ZMAT4: variants seen among roughly 807,000 people sequenced by gnomAD.
The protein encoded by ZMAT4 is zinc finger matrin-type 4.
Under a neutral mutation model 28.7 loss-of-function variants are expected in ZMAT4, and 17 were observed. The observed-to-expected ratio is 0.59, with a 90% CI of 0.41 to 0.89. The LOEUF (loss-of-function observed/expected upper bound fraction) is 0.89. ZMAT4 is among the 40% of genes least tolerant of loss of function. The pLI is 0.00. For missense variants in ZMAT4, 240 were observed against 283.8 expected (o/e 0.85, Z 1.11); for synonymous variants, 117 against 109.2 (o/e 1.07, Z -0.44).
At chr8:40,775,716 T>C (rs938068521) in intron 2 of ZMAT4, among the ~76,000 whole-genome samples, 3 of 152,100 alleles carry the variant, frequency 2.0e-5, no homozygotes, top group Non-Finnish European at 4.4e-5. Context: ...TGCCATGCCT[T>C]AGCTTTTAAT....
intron 5 of ZMAT4, among the ~76,000 whole-genome samples, chr8:40,650,677 A>G (rs1474296107): frequency 7.8e-6 from 1 of 128,784 alleles, no homozygotes; most frequent in African/African-American, 2.8e-5. Flanking sequence ...AAAATCCTCA[A>G]TAAAATACTG....
intron 6 of ZMAT4, among the ~76,000 whole-genome samples, chr8:40,541,137 T>C (rs1205553719): frequency 2.0e-5 from 3 of 152,352 alleles, no homozygotes; most frequent in South Asian, 2.1e-4. Flanking sequence ...CTGGTACATA[T>C]GGAGCAACAA....
At chr8:40,595,696 G>A (rs1357412334) in intron 5 of ZMAT4, among the ~76,000 whole-genome samples, 1 of 152,138 alleles carries the variant, frequency 6.6e-6, no homozygotes, top group Non-Finnish European at 1.5e-5. Flanking sequence ...CACTTGTATA[G>A]GGCACTTCTC....
At chr8:40,759,111 G>A (rs901420578) in intron 3 of ZMAT4, among the ~76,000 whole-genome samples, 10 of 151,790 alleles carry the variant, frequency 6.6e-5, no homozygotes, top group Non-Finnish European at 1.3e-4. Context: ...ATCAAACCCC[G>A]TCTCTACTAA....
At chr8:40,734,603 T>C (rs1167376874) in intron 3 of ZMAT4, among the ~76,000 whole-genome samples, 1 of 152,116 alleles carries the variant, frequency 6.6e-6, no homozygotes, top group Non-Finnish European at 1.5e-5. Context: ...ACTCTGGTAA[T>C]CACCCGTCTC....
rs185046901 is a variant in ZMAT4, at chr8:40,788,351, G to A, written c.103-20621C>T. Among the ~76,000 whole-genome samples the A allele has an allele frequency of 2.9e-3, 448 of 152,286 alleles. 2 individuals are homozygous for A. The highest frequency in any genetic ancestry group is 0.01 in the African/African-American group (421 of 41,546). Reference sequence around the variant, plus strand: ...TGTAATCCCAGCATTTTGGGAGGCCGGGGCAGGCGGATCACGAGGTCAGGA... The same window carrying A: ...TGTAATCCCAGCATTTTGGGAGGCCAGGGCAGGCGGATCACGAGGTCAGGA... On this transcript the variant is annotated intron_variant, in intron 2 of 6. Transcript: ENST00000297737.
In ZMAT4 at chr8:40,678,851, T is replaced by C. The variant is rs73611434; in HGVS notation, c.350-3920A>G. 8.4e-3 allele frequency among the ~76,000 whole-genome samples: 1,275 copies of C among 152,310 alleles called. 20 individuals are homozygous for C. The highest frequency in any genetic ancestry group is 0.029 in the African/African-American group (1,186 of 41,570). ...AAGTCACATGAGATGATTTATAGTCTTTACATTTGGTATAAACATACATAC... is the reference window on the plus strand; with the variant it reads ...AAGTCACATGAGATGATTTATAGTCCTTACATTTGGTATAAACATACATAC... On this transcript the variant is annotated intron_variant, in intron 4 of 6. Transcript: ENST00000297737.
intron 3 of ZMAT4, among the ~76,000 whole-genome samples, chr8:40,738,906 T>C (rs1033637777): frequency 6.6e-6 from 1 of 152,198 alleles, no homozygotes; most frequent in African/African-American, 2.4e-5. Context: ...AAACGTATCG[T>C]GTGTCAACTT....
intron 5 of ZMAT4, among the ~76,000 whole-genome samples, chr8:40,592,429 T>A (rs1804927679): frequency 6.6e-6 from 1 of 152,218 alleles, no homozygotes; most frequent in South Asian, 2.1e-4. Context: ...GCCTTCTGAA[T>A]TCATCTCACT....
chr8:40,631,819 T>C (rs113668230), intron 5 of ZMAT4, among the ~76,000 whole-genome samples: 83 of 152,304 alleles, frequency 5.4e-4, no homozygotes, highest in African/African-American at 1.9e-3. Context: ...AGCTATGCTG[T>C]AAAAGGTGTC....
At chr8:40,881,838 T>G (rs558963925) in intron 1 of ZMAT4, among the ~76,000 whole-genome samples, 1 of 152,022 alleles carries the variant, frequency 6.6e-6, no homozygotes, top group Admixed American at 6.5e-5. Flanking sequence ...CCCAAGACAA[T>G]GTAGTGTTTA....
chr8:40,789,601 G>A (rs1472641816), intron 2 of ZMAT4, among the ~76,000 whole-genome samples: 1 of 152,146 alleles, frequency 6.6e-6, no homozygotes, highest in East Asian at 1.9e-4. Flanking sequence ...AAATTCATGA[G>A]GGGATGAAGA....
intron 6 of ZMAT4, among the ~76,000 whole-genome samples, chr8:40,561,809 G>A (rs1435955523): frequency 6.6e-6 from 1 of 152,108 alleles, no homozygotes; most frequent in Non-Finnish European, 1.5e-5. Context: ...TATCATTAGT[G>A]TTCGTGTATT....
At chr8:40,827,010 A>G (rs896920934) in intron 1 of ZMAT4, among the ~76,000 whole-genome samples, 1 of 152,224 alleles carries the variant, frequency 6.6e-6, no homozygotes, top group African/African-American at 2.4e-5. Context: ...GACAACAGCA[A>G]TATGGTAGGC....
intron 4 of ZMAT4, chr8:40,690,844 A>C (rs1221048419): frequency 5.3e-6 from 5 of 936,382 alleles, no homozygotes; most frequent in Non-Finnish European, 6.4e-6. Context: ...GAAGAGAACC[A>C]ATAAGATTTT....
chr8:40,878,320 A>T (rs1470933341), intron 1 of ZMAT4, among the ~76,000 whole-genome samples: 1 of 152,148 alleles, frequency 6.6e-6, no homozygotes, highest in Admixed American at 6.5e-5. Context: ...CTCACAGATG[A>T]TGGTGTTAAG....
At chr8:40,613,264 C>T (rs538843166) in intron 5 of ZMAT4, among the ~76,000 whole-genome samples, 2 of 132,662 alleles carry the variant, frequency 1.5e-5, no homozygotes, top group East Asian at 4.9e-4. Flanking sequence ...CTCACTGAAA[C>T]TTCCACCTCC....
chr8:40,839,289 G>A (rs1250625123), intron 1 of ZMAT4, among the ~76,000 whole-genome samples: 1 of 152,192 alleles, frequency 6.6e-6, no homozygotes, highest in Non-Finnish European at 1.5e-5. Flanking sequence ...CCAGCGACAG[G>A]CAGCTGTGCT....
intron 6 of ZMAT4, among the ~76,000 whole-genome samples, chr8:40,540,993 G>C (rs574149936): frequency 2.0e-5 from 3 of 152,210 alleles, no homozygotes; most frequent in South Asian, 2.1e-4. Context: ...TCAAATTCCA[G>C]TTCTGGCACG....
Sources: allele counts gnomAD v4.1 joint callset (sites outside exome capture counted in the v4.1 genomes callset), GRCh38; gene constraint gnomAD v4.1.1; transcripts MANE v1.5; gene names NCBI Gene and HGNC (gene_info 2026-07-23, HGNC 2026-07-21).